The following PCNX3 variants were observed in gnomAD, a reference collection of about 807,000 sequenced individuals.
PCNX3 encodes the protein pecanex 3.
PCNX3 carries 58 observed loss-of-function variants against 207.2 expected under a neutral mutation model. That is an observed-to-expected ratio of 0.28 (90% confidence interval 0.23 to 0.35). The LOEUF is 0.35. PCNX3 is among the 10% of genes least tolerant of loss of function. The probability of loss-of-function intolerance (pLI) is 1.00; values close to 1 mark genes in which losing one functional copy is unlikely to be tolerated. For synonymous variants in PCNX3, 1,337 were observed against 1,183.5 expected (o/e 1.13, Z -2.66); for missense variants, 2,410 against 2,774.4 (o/e 0.87, Z 2.95).
At chr11:65,634,889 A>C (rs1855764753) in intron 29 of PCNX3, 84 bp from the exon 30 acceptor site, 10 of 1,494,320 alleles carry the variant, frequency 6.7e-6, no homozygotes, top group Non-Finnish European at 7.2e-6. Flanking sequence ...GCGTGAGGAA[A>C]GGCCTCTGCT....
rs1327670086 is a variant in PCNX3, at chr11:65,625,536, G to A, written c.3135+26G>A. On this transcript the variant is annotated intron_variant, in intron 18 of 34. Transcript: ENST00000355703. The surrounding 1 kb of genome is among the most constrained non-coding windows in gnomAD (Gnocchi z 5.6). ...GTGAGGGGGCGGGGGGTGGGGGTCT[G>A]TGGGGAGGTGGTGACAGGTCCTGGG... is the stretch of plus-strand genomic sequence containing the variant. The A allele has an allele frequency of 1.3e-6, 2 of 1,576,530 alleles. No individual in the cohort carries two copies. Among genetic ancestry groups the A allele is most frequent in the Middle Eastern group, 2.1e-4 (1 of 4,724 alleles).
rs1226480817 is a variant in PCNX3, at chr11:65,625,783, T to C, written c.3228+39T>C. ...GGGCCGCTGCTGCCTCTCGCTGTCT[T>C]GGCGGGAGCCTGCTCAATCTGAGTG... On this transcript the variant is annotated intron_variant, in intron 19 of 34. Transcript: ENST00000355703. This position sits in a 1 kb window ranked among gnomAD's most constrained non-coding sequence, Gnocchi z 5.6. The C allele has an allele frequency of 6.2e-7, 1 of 1,600,140 alleles. No homozygotes were observed. Among genetic ancestry groups the C allele is most frequent in the East Asian group, 2.2e-5 (1 of 44,646 alleles).
rs1264485406 is a variant in PCNX3, at chr11:65,624,560, A to G, written c.2806A>G (p.Met936Val). The G allele has an allele frequency of 6.2e-7, 1 of 1,605,500 alleles. No individual in the cohort carries two copies. The highest frequency in any genetic ancestry group is 1.1e-5 in the South Asian group (1 of 89,146). Reference sequence around the variant, plus strand: ...CATGTACCTGCTGGAGCAAATAGATATGCACGGCTTCGGGGGCACAGGTAT... The same window carrying G: ...CATGTACCTGCTGGAGCAAATAGATGTGCACGGCTTCGGGGGCACAGGTAT... ...CLMYLLEQID[M>V]HGFGGTAATS... is the part of the protein sequence containing the mutation. The change falls in exon 15 of 35, where the codon ATG becomes GTG. Residue 936 changes from methionine to valine, a missense_variant. Met to Val is a conservative substitution (Grantham distance 21). This residue lies in a region of PCNX3 where 18 missense variants were observed against 46.2 expected (regional missense o/e 0.39). Transcript: ENST00000355703.
rs1000016935 is a variant in PCNX3, at chr11:65,625,718, G to A, written c.3202G>A (p.Ala1068Thr). Residue 1068 changes from alanine (A) to threonine (T), a missense_variant, in exon 19 of 35, where the codon GCC becomes ACC. Ala to Thr is a moderately conservative substitution (Grantham distance 58, BLOSUM62 0). This residue lies in a region of PCNX3 where 333 missense variants were observed against 386.8 expected (regional missense o/e 0.86). Transcript: ENST00000355703. This position sits in a 1 kb window ranked among gnomAD's most constrained non-coding sequence, Gnocchi z 5.6. ...CGCCGTGCTCACCTTCGCCATCAGC[G>A]CCAGCACCGTCTTTATTGCCCTGAA... Reference protein sequence around the residue: ...VIAVLTFAISASTVFIALKSV... With the variant: ...VIAVLTFAISTSTVFIALKSV... 4 of 1,610,912 alleles carry A rather than the reference G, an allele frequency of 2.5e-6. No individual in the cohort carries two copies. The highest frequency in any genetic ancestry group is 2.5e-6 in the Non-Finnish European group (3 of 1,179,712).
intron 15 of PCNX3, 23 bp from the exon 16 acceptor site, chr11:65,624,902 C>T (rs1855301207): frequency 1.3e-6 from 2 of 1,594,504 alleles, no homozygotes; most frequent in Non-Finnish European, 1.7e-6. Context: ...GAGAGCTGGG[C>T]TGTACTTCTC....
chr11:65,626,857 G>A (rs1210134735), intron 20 of PCNX3, 47 bp from the exon 21 acceptor site: 1 of 1,560,028 alleles, frequency 6.4e-7, no homozygotes, highest in Non-Finnish European at 8.7e-7. Context: ...CCTCAGGGAA[G>A]GCAGGCATGT....
intron 1 of PCNX3, 121 bp downstream of exon 1, chr11:65,616,585 C>T (rs1030450149): frequency 3.3e-5 from 42 of 1,275,310 alleles, no homozygotes; most frequent in Non-Finnish European, 4.5e-5. Flanking sequence ...GAGTTTGGGT[C>T]TGTGTGGAAG....
At chr11:65,629,962 ACT>A (rs1298269563) in intron 26 of PCNX3, among the ~76,000 whole-genome samples, 1 of 151,818 alleles carries the variant, frequency 6.6e-6, no homozygotes, top group African/African-American at 2.4e-5. Context: ...GGTCCCAGTG[ACT>A]CTACAGGTCA....
At chr11:65,630,316 C>T (rs765519074) in intron 26 of PCNX3, 35 bp from the exon 27 acceptor site, 308 of 1,604,102 alleles carry the variant, frequency 1.9e-4, no homozygotes, top group Non-Finnish European at 2.5e-4. Flanking sequence ...AGGGATTGTT[C>T]TAGCAGCCCC....
chr11:65,619,040 C>A lies in PCNX3; in HGVS notation c.1678C>A (p.Leu560Met). 6.3e-7 allele frequency: 1 copy of A among 1,592,138 alleles called. No homozygotes were observed. The highest frequency in any genetic ancestry group is 1.7e-5 in the Admixed American group (1 of 59,240). The change falls in exon 6 of 35, where the codon CTG (leucine) becomes ATG (methionine). Residue 560 changes from leucine (L) to methionine (M), a missense_variant. Leu to Met is a conservative substitution (Grantham distance 15). This residue lies in a region of PCNX3 where 1,104 missense variants were observed against 970.3 expected (regional missense o/e 1.14). Transcript: ENST00000355703. The part of the protein sequence containing the change: ...AANQPGWRGE[L>M]QEEGAVGGAA... Reference sequence around the variant, plus strand: ...CAACCAGCCCGGCTGGCGGGGGGAGCTGCAGGAGGAAGGTGCTGTGGGGGG... The same window carrying A: ...CAACCAGCCCGGCTGGCGGGGGGAGATGCAGGAGGAAGGTGCTGTGGGGGG...
Position 65,618,632 on chromosome 11 carries a change from A to C in PCNX3, c.1270A>C (p.Thr424Pro). The C allele has an allele frequency of 6.2e-7, 1 of 1,612,972 alleles. No individual in the cohort carries two copies. The highest frequency in any genetic ancestry group is 1.3e-5 in the African/African-American group (1 of 75,042). The change falls in exon 6 of 35, where the codon ACT (threonine) becomes CCT (proline). Residue 424 changes from threonine to proline, a missense_variant. Coordinates refer to ENST00000355703, the MANE Select transcript of PCNX3 (RefSeq NM_032223.4). ...TGGGGGCTTCTTTGAGGATGAAGAC[A>C]CTAGTGAGGGCAGTGAACTGAGCCC... ...EGGGFFEDED[T>P]SEGSELSPAS... is the part of the protein sequence containing the mutation.
rs1287366544 is a variant in PCNX3, at chr11:65,636,346, G to C, written c.5593+39G>C. ...GCTGGGCTGAACCCGTGGGTGAGGA[G>C]TGCAGCCCAGCTGAGGCCTCTGCTG... On this transcript the variant is annotated intron_variant, in intron 33 of 34. Coordinates refer to ENST00000355703, the MANE Select transcript of PCNX3 (RefSeq NM_032223.4). The C allele has an allele frequency of 5.0e-6, 8 of 1,603,850 alleles. No homozygotes were observed. In the South Asian group the frequency reaches 8.9e-5, roughly 18 times the overall value.
intron 21 of PCNX3, 116 bp from the exon 22 acceptor site, chr11:65,627,289 C>T: frequency 1.6e-6 from 2 of 1,243,140 alleles, no homozygotes; most frequent in South Asian, 1.5e-5. Flanking sequence ...CAGGGACCAG[C>T]CCAGCAGAGC....
At position 65,618,126 on chromosome 11, in the gene PCNX3, C is replaced by A. The variant is rs745364669; in HGVS notation, c.764C>A (p.Thr255Asn). 1 of 1,610,928 alleles carries A rather than the reference C, an allele frequency of 6.2e-7. No homozygotes were observed. The highest frequency in any genetic ancestry group is 8.5e-7 in the Non-Finnish European group (1 of 1,178,806). The change falls in exon 6 of 35, where the codon ACC (threonine) becomes AAC (asparagine). Residue 255 changes from threonine (T) to asparagine (N), a missense_variant. By Grantham distance (65) the Thr-to-Asn change is moderately conservative. Coordinates refer to ENST00000355703, the MANE Select transcript of PCNX3 (RefSeq NM_032223.4). ...LSQELSKSFL[T>N]LTQPDRALVR... The stretch of plus-strand genomic sequence containing the variant: ...CAGGAGCTGAGCAAGAGCTTCCTGA[C>A]CCTGACCCAGCCTGACCGGGCCCTG...
chr11:65,630,193 C>T (rs1016785310), intron 26 of PCNX3, among the ~76,000 whole-genome samples, 158 bp from the exon 27 acceptor site: 3 of 152,338 alleles, frequency 2.0e-5, no homozygotes, highest in Non-Finnish European at 2.9e-5. Context: ...GAAAGGCAGG[C>T]GCTCTTTCGT....
intron 13 of PCNX3, 117 bp downstream of exon 13, chr11:65,624,078 A>G (rs780484452): frequency 9.6e-6 from 15 of 1,564,950 alleles, no homozygotes; most frequent in Non-Finnish European, 1.2e-5. Flanking sequence ...CATCACCCCC[A>G]CCTGGCCAGG....
rs1375513932 is a variant in PCNX3 at position 65,635,536 on chromosome 11, G to A, written c.5192G>A (p.Arg1731Gln). 10 of 1,610,456 alleles carry A rather than the reference G, an allele frequency of 6.2e-6. No homozygotes were observed. The highest frequency in any genetic ancestry group is 1.1e-5 in the South Asian group (1 of 91,010). The change falls in exon 32 of 35, where the codon CGG (arginine) becomes CAG (glutamine). Residue 1731 changes from arginine to glutamine, a missense_variant. By Grantham distance (43) the Arg-to-Gln change is conservative. Coordinates refer to ENST00000355703, the MANE Select transcript of PCNX3 (RefSeq NM_032223.4). This position sits in a 1 kb window ranked among gnomAD's most constrained non-coding sequence, Gnocchi z 9.9. ...HLSFRVIKVN[R>Q]ECVRGLWAGQ... ...CTGGCGTGTGGCTCTCAGGTGAACC[G>A]GGAGTGCGTGCGCGGCCTGTGGGCC...
In PCNX3 at chr11:65,625,474, C is replaced by T; in HGVS notation, c.3099C>T (p.Pro1033=). ...ERSLETARAE[P]PDPLPDKMRQ... ...GCTTGGAGACAGCCCGGGCCGAGCC[C>T]CCGGACCCCTTGCCGGACAAGATGC... is the stretch of plus-strand genomic sequence containing the variant. Residue 1033 remains proline (P), a synonymous_variant, in exon 18 of 35, where the codon CCC becomes CCT. Transcript: ENST00000355703. The surrounding 1 kb of genome is among the most constrained non-coding windows in gnomAD (Gnocchi z 5.6). 1 of 1,605,656 alleles carries T rather than the reference C, an allele frequency of 6.2e-7. No homozygotes were observed. The highest frequency in any genetic ancestry group is 8.5e-7 in the Non-Finnish European group (1 of 1,179,190).
At chr11:65,629,778 G>T (rs1288550150) in intron 26 of PCNX3, 43 bp downstream of exon 26, 1 of 1,534,194 alleles carries the variant, frequency 6.5e-7, no homozygotes, top group Non-Finnish European at 8.8e-7. Flanking sequence ...CACAGCTCGG[G>T]CCTGATGTGG....
Sources: gnomAD v4.1 joint callset for allele counts (sites outside exome capture counted in the v4.1 genomes callset) on GRCh38, gnomAD v4.1.1 for gene constraint, gnomAD v4.1.1 regional missense constraint, Gnocchi (gnomAD v3.1) non-coding constraint, MANE v1.5 for transcripts, NCBI Gene and HGNC (gene_info 2026-07-23, HGNC 2026-07-21) for gene names.